The following DPYD variants were observed in gnomAD, a reference collection of about 807,000 sequenced individuals.
DPYD encodes the protein dihydropyrimidine dehydrogenase.
DPYD carries 109 observed loss-of-function variants against 116.2 expected under a neutral mutation model. That is an observed-to-expected ratio of 0.94 (90% confidence interval 0.80 to 1.10). The LOEUF (loss-of-function observed/expected upper bound fraction) is 1.10. Among genes scored for constraint, DPYD ranks in the 50% least tolerant of loss-of-function variants. The pLI is 0.00. For missense variants in DPYD, 1,302 were observed against 1,254.5 expected (o/e 1.04, Z -0.57); for synonymous variants, 440 against 432.0 (o/e 1.02, Z -0.23).
At chr1:97,124,885 TA>T (rs1652716980) in intron 20 of DPYD, among the ~76,000 whole-genome samples, 1 of 152,120 alleles carries the variant, frequency 6.6e-6, no homozygotes, top group South Asian at 2.1e-4. Flanking sequence ...AAATATTCTC[TA>T]AAAACCTGTG....
At chr1:97,754,932 G>T (rs1374452703) in intron 3 of DPYD, among the ~76,000 whole-genome samples, 1 of 152,192 alleles carries the variant, frequency 6.6e-6, no homozygotes, top group South Asian at 2.1e-4. Flanking sequence ...AATGAATGAG[G>T]TATTTATTTG....
intron 16 of DPYD, among the ~76,000 whole-genome samples, chr1:97,365,680 T>G (rs1279673229): frequency 6.6e-6 from 1 of 152,094 alleles, no homozygotes; most frequent in Admixed American, 6.5e-5. Context: ...CAGGCTGGAG[T>G]GCAGTTGTGT....
At chr1:97,681,770 C>T (rs965345900) in intron 7 of DPYD, among the ~76,000 whole-genome samples, 2 of 151,920 alleles carry the variant, frequency 1.3e-5, no homozygotes, top group African/African-American at 4.8e-5. Flanking sequence ...ACCCTTCATA[C>T]CAATATATAA....
At chr1:97,605,766 G>T (rs959099754) in intron 8 of DPYD, among the ~76,000 whole-genome samples, 3 of 151,980 alleles carry the variant, frequency 2.0e-5, no homozygotes, top group Admixed American at 6.6e-5. Context: ...TATGATAATT[G>T]CTTAGCATAC....
At chr1:97,222,989 T>C (rs1416382236) in intron 19 of DPYD, among the ~76,000 whole-genome samples, 1 of 152,040 alleles carries the variant, frequency 6.6e-6, no homozygotes, top group Admixed American at 6.6e-5. Flanking sequence ...ATTTGTAATA[T>C]AGGGTGCAAA....
At chr1:97,514,306 T>C (rs1648037582) in intron 13 of DPYD, 3 of 907,288 alleles carry the variant, frequency 3.3e-6, no homozygotes, top group Non-Finnish European at 4.0e-6. Flanking sequence ...AATTCAATTA[T>C]TGCAAGCGAA....
chr1:97,172,008 T>C (rs549655213), intron 20 of DPYD, among the ~76,000 whole-genome samples: 1 of 152,336 alleles, frequency 6.6e-6, no homozygotes, highest in East Asian at 1.9e-4. Context: ...GTGGAAATGT[T>C]AGTATTTAGA....
intron 14 of DPYD, among the ~76,000 whole-genome samples, chr1:97,387,711 G>C (rs1672432487): frequency 6.6e-6 from 1 of 152,090 alleles, no homozygotes; most frequent in Non-Finnish European, 1.5e-5. Flanking sequence ...AAGCAGCCAG[G>C]TATGTAGAAG....
intron 3 of DPYD, among the ~76,000 whole-genome samples, chr1:97,751,450 GTGTGTGTGTGTA>G (rs1664891791): frequency 3.0e-5 from 1 of 33,192 alleles, no homozygotes; most frequent in African/African-American, 9.6e-5. Flanking sequence ...GTGTGTGTGT[GTGTGTGTGTGTA>G]TATATATATA....
intron 10 of DPYD, among the ~76,000 whole-genome samples, chr1:97,588,002 A>T (rs1179573331): frequency 1.3e-5 from 2 of 152,112 alleles, no homozygotes; most frequent in Admixed American, 6.6e-5. Flanking sequence ...GGTGGAAAAA[A>T]ATCAGGTAAA....
chr1:97,092,767 C>A (rs1207979768), intron 21 of DPYD, among the ~76,000 whole-genome samples: 1 of 152,032 alleles, frequency 6.6e-6, no homozygotes, highest in Non-Finnish European at 1.5e-5. Context: ...ACACTAACAT[C>A]AAAACCTTAA....
chr1:97,472,599 A>G (rs1029431655), intron 13 of DPYD, among the ~76,000 whole-genome samples: 3 of 152,240 alleles, frequency 2.0e-5, no homozygotes, highest in African/African-American at 7.2e-5. Flanking sequence ...TGGGGAATAC[A>G]GTAAGCAGAT....
chr1:97,609,916 AC>A (rs1305160876), intron 8 of DPYD, among the ~76,000 whole-genome samples: 2 of 152,012 alleles, frequency 1.3e-5, no homozygotes, highest in Non-Finnish European at 2.9e-5. Context: ...AGCCACACCC[AC>A]TTAAACTTAA....
At chr1:97,674,995 A>T (rs754779959) in intron 8 of DPYD, among the ~76,000 whole-genome samples, 27 of 152,224 alleles carry the variant, frequency 1.8e-4, no homozygotes, top group Non-Finnish European at 3.2e-4. Context: ...AGCCATATTT[A>T]AAAAATACAT....
chr1:97,336,798 C>T (rs1314908299), intron 16 of DPYD, among the ~76,000 whole-genome samples: 1 of 152,006 alleles, frequency 6.6e-6, no homozygotes, highest in Admixed American at 6.6e-5. Flanking sequence ...GAATCAGGAG[C>T]TAGGAAAGCT....
intron 1 of DPYD, among the ~76,000 whole-genome samples, chr1:97,892,648 T>C (rs1342761985): frequency 1.3e-5 from 2 of 151,818 alleles, no homozygotes; most frequent in Non-Finnish European, 2.9e-5. Flanking sequence ...TGTACTTCCA[T>C]TCTTTGCCCA....
intron 2 of DPYD, among the ~76,000 whole-genome samples, chr1:97,848,372 C>A (rs1670411009): frequency 6.6e-6 from 1 of 152,230 alleles, no homozygotes. Flanking sequence ...GCTGGGATTG[C>A]AGGCTGCACA....
rs1236647135 is a variant in DPYD, at chr1:97,193,049, C to G, written c.2622+20G>C. 5.6e-6 allele frequency: 9 copies of G among 1,613,458 alleles called. No homozygotes were observed. The East Asian group carries it at 2.0e-4, about 36-fold the overall frequency. On this transcript the variant is annotated intron_variant, in intron 20 of 22. Coordinates refer to ENST00000370192, the MANE Select transcript of DPYD (RefSeq NM_000110.4). ...CAAGGCTGAGTTCTCAAGAATAACA[C>G]AGGAGATTTAAGCACATACCTTGTC... is the stretch of plus-strand genomic sequence containing the variant.
rs576423314 is a variant in DPYD at position 97,894,689 on chromosome 1, T to C, written c.40-11315A>G. Among the ~76,000 whole-genome samples, 184 of 151,832 alleles carry C rather than the reference T, an allele frequency of 1.2e-3. No individual in the cohort carries two copies. In the Middle Eastern group the frequency reaches 0.024, roughly 20 times the overall value. On this transcript the variant is annotated intron_variant, in intron 1 of 22. Coordinates refer to ENST00000370192, the MANE Select transcript of DPYD (RefSeq NM_000110.4). ...AAACATTAATAACATATATACTTTA[T>C]ATATACTGTTTGTATATTTTTATTA... is the stretch of plus-strand genomic sequence containing the variant.
Sources: gnomAD v4.1 joint callset for allele counts (sites outside exome capture counted in the v4.1 genomes callset) on GRCh38, gnomAD v4.1.1 for gene constraint, MANE v1.5 for transcripts, NCBI Gene and HGNC (gene_info 2026-07-23, HGNC 2026-07-21) for gene names.